Variants in DAB1 observed in about 807,000 individuals in gnomAD.
DAB1 encodes the protein DAB adaptor protein 1.
In DAB1, 15 loss-of-function variants were observed where a neutral mutation model predicts 64.6. The observed-to-expected ratio is 0.23, with a 90% CI of 0.16 to 0.36. The LOEUF (loss-of-function observed/expected upper bound fraction) is 0.36, where lower values mean the gene tolerates loss of function less well. Ranked by LOEUF, DAB1 falls within the 10% of genes least tolerant of loss-of-function variation. The pLI is 1.00. For synonymous variants in DAB1, 235 were observed against 251.9 expected, an observed-to-expected ratio of 0.93 and a Z score of 0.64; for missense variants, 596 against 706.7, an observed-to-expected ratio of 0.84 and a Z score of 1.78.
intron 5 of DAB1, among the ~76,000 whole-genome samples, chr1:57,905,246 A>G (rs1366939127): frequency 2.0e-5 from 3 of 151,884 alleles, no homozygotes; most frequent in African/African-American, 7.2e-5. Flanking sequence ...TCTGCTACAG[A>G]ATAAAGCGTG....
chr1:57,565,191 A>G (rs1645102943), intron 7 of DAB1, among the ~76,000 whole-genome samples: 1 of 152,202 alleles, frequency 6.6e-6, no homozygotes, highest in African/African-American at 2.4e-5. Context: ...TAAGTGAAGG[A>G]GAAATAAAAT....
At chr1:58,287,082 A>G (rs1569603548) in intron 4 of DAB1, among the ~76,000 whole-genome samples, 1 of 152,298 alleles carries the variant, frequency 6.6e-6, no homozygotes, top group African/African-American at 2.4e-5. Context: ...AAAACAAAAC[A>G]CCACATGTTC....
chr1:58,255,461 C>T (rs1223344076), intron 4 of DAB1, among the ~76,000 whole-genome samples: 2 of 151,978 alleles, frequency 1.3e-5, no homozygotes, highest in African/African-American at 4.8e-5. Context: ...TCCTTCTATA[C>T]CCCCATTTCA....
At chr1:57,622,140 T>C (rs1645867311) in intron 7 of DAB1, among the ~76,000 whole-genome samples, 1 of 152,150 alleles carries the variant, frequency 6.6e-6, no homozygotes, top group Non-Finnish European at 1.5e-5. Flanking sequence ...GTTTCAGAAA[T>C]AAGAGACCTG....
At chr1:57,984,917 T>C (rs111980302) in intron 5 of DAB1, among the ~76,000 whole-genome samples, 3,639 of 60,766 alleles carry the variant, frequency 0.06, 59 homozygotes, top group South Asian at 0.095. Context: ...GTTGTTGTTG[T>C]TTTTTTTTTG....
intron 4 of DAB1, among the ~76,000 whole-genome samples, chr1:58,330,069 C>G (rs914212091): frequency 8.3e-4 from 126 of 152,326 alleles, no homozygotes; most frequent in African/African-American, 2.9e-3. Flanking sequence ...AGCTAGGTCT[C>G]TTGCACCAAA....
chr1:57,915,129 T>TA (rs11321322), intron 5 of DAB1, among the ~76,000 whole-genome samples: 35,414 of 117,104 alleles, frequency 0.3, 4,757 homozygotes, highest in African/African-American at 0.34. Context: ...CTTTAAATCA[T>TA]AAAAAAAAAA....
intron 3 of DAB1, among the ~76,000 whole-genome samples, chr1:58,485,228 TAAAAA>T (rs71043289): frequency 2.4e-5 from 1 of 42,034 alleles, no homozygotes; most frequent in Non-Finnish European, 4.1e-5. Context: ...AGTCTACTAC[TAAAAA>T]AAAAAAAAAA....
At chr1:57,413,081 G>A (rs1004332224) in intron 1 of DAB1, among the ~76,000 whole-genome samples, 2 of 152,088 alleles carry the variant, frequency 1.3e-5, no homozygotes, top group African/African-American at 4.8e-5. Context: ...AATCTACTCT[G>A]CCTGTACTCT....
intron 1 of DAB1, among the ~76,000 whole-genome samples, chr1:57,361,719 G>A (rs925490887): frequency 3.3e-5 from 5 of 152,056 alleles, no homozygotes; most frequent in African/African-American, 7.2e-5. Flanking sequence ...GCCCAGATGG[G>A]GCTGCTCCCA....
At position 57,922,953 on chromosome 1, in the gene DAB1, TTCC is replaced by T. The variant is rs1644831125; in HGVS notation, n.388-38794_388-38792del. Among the ~76,000 whole-genome samples the T allele has an allele frequency of 2.6e-5, 4 of 151,952 alleles. No homozygotes were observed. The South Asian group carries it at 8.3e-4, about 32-fold the overall frequency. On this transcript the variant is annotated intron_variant and non_coding_transcript_variant, in intron 5 of 20. Transcript: ENST00000485760. ...AGCTCTTTTCTATTCCTTTCTTCTCTTCCTCCCTTTCTTTCTTCCTCCCTCCCT... is the reference window on the plus strand; with the variant it reads ...AGCTCTTTTCTATTCCTTTCTTCTCTTCCCTTTCTTTCTTCCTCCCTCCCT...
intron 1 of DAB1, among the ~76,000 whole-genome samples, chr1:57,883,058 G>A (rs929235748): frequency 6.6e-6 from 1 of 152,132 alleles, no homozygotes; most frequent in African/African-American, 2.4e-5. Flanking sequence ...AACTTCCATT[G>A]CAACTCCAAA....
intron 1 of DAB1, chr1:57,861,142 G>T (rs954259212): frequency 6.6e-6 from 1 of 152,276 alleles, no homozygotes; most frequent in South Asian, 2.1e-4. Flanking sequence ...AGCAGCACTC[G>T]CCCATAGCTA....
chr1:57,512,178 T>C (rs939917330), intron 7 of DAB1, among the ~76,000 whole-genome samples: 1 of 152,220 alleles, frequency 6.6e-6, no homozygotes, highest in South Asian at 2.1e-4. Context: ...TCTTTAGCAC[T>C]GAGCTATATC....
chr1:58,180,292 T>TCTTTTTTTTTTTTTTTTTTTTTTTTTTC (rs1557684527), intron 4 of DAB1, among the ~76,000 whole-genome samples: 1 of 123,832 alleles, frequency 8.1e-6, no homozygotes, highest in Admixed American at 8.7e-5. Context: ...TTTTTTTTTT[T>TCTTTTTTTTTTTTTTTTTTTTTTTTTTC]TTTTTTTTTT....
intron 1 of DAB1, among the ~76,000 whole-genome samples, chr1:58,528,191 T>A (rs915689726): frequency 6.6e-6 from 1 of 152,222 alleles, no homozygotes; most frequent in Non-Finnish European, 1.5e-5. Flanking sequence ...TCACTCCCCA[T>A]GAGCAGGCTG....
intron 5 of DAB1, among the ~76,000 whole-genome samples, chr1:58,043,079 A>G (rs1022920067): frequency 6.6e-6 from 1 of 152,222 alleles, no homozygotes; most frequent in Non-Finnish European, 1.5e-5. Flanking sequence ...AAATGTCCTG[A>G]CAGTATATTC....
chr1:58,276,581 G>T (rs534721077), intron 4 of DAB1, among the ~76,000 whole-genome samples: 18 of 152,322 alleles, frequency 1.2e-4, no homozygotes, highest in Admixed American at 9.1e-4. Context: ...TGTGTGCTGA[G>T]TAGAGACAAG....
chr1:57,697,380 C>A (rs1646856846), intron 6 of DAB1, among the ~76,000 whole-genome samples: 1 of 141,866 alleles, frequency 7.0e-6, no homozygotes, highest in Non-Finnish European at 1.5e-5. Context: ...ATAAGCCTGC[C>A]TTGTGATAGT....
Sources: allele counts gnomAD v4.1 joint callset (sites outside exome capture counted in the v4.1 genomes callset), GRCh38; gene constraint gnomAD v4.1.1; transcripts MANE v1.5; gene names NCBI Gene and HGNC (gene_info 2026-07-23, HGNC 2026-07-21).